Variants in SLCO5A1 observed in about 807,000 individuals in gnomAD.
The protein encoded by SLCO5A1 is solute carrier organic anion transporter family member 5A1.
In SLCO5A1, 39 loss-of-function variants were observed where a neutral mutation model predicts 65.1. That is an observed-to-expected ratio of 0.60 (90% confidence interval 0.46 to 0.78). The LOEUF is 0.78. Among genes scored for constraint, SLCO5A1 ranks in the 30% least tolerant of loss-of-function variants. SLCO5A1 has a pLI of 0.00. For missense variants in SLCO5A1, 1,029 were observed against 1,069.4 expected, an observed-to-expected ratio of 0.96 and a Z score of 0.53; for synonymous variants, 438 against 415.7, an observed-to-expected ratio of 1.05 and a Z score of -0.65.
rs190528380 is a variant in SLCO5A1, at chr8:69,753,055, C to T, written c.1258+2369G>A. ...GTGTATACATTCAATTTCCAAAAAT[C>T]ATTTTTGAATTCTCAATGGCCCTGA... On this transcript the variant is annotated intron_variant, in intron 4 of 9. Transcript: ENST00000260126. Among the ~76,000 whole-genome samples, 11 of 152,284 alleles carry T rather than the reference C, an allele frequency of 7.2e-5. No individual in the cohort carries two copies. In the East Asian group the frequency reaches 1.9e-3, roughly 27 times the overall value.
chr8:69,703,737 C>T (rs771830240), intron 6 of SLCO5A1, among the ~76,000 whole-genome samples: 8 of 152,154 alleles, frequency 5.3e-5, no homozygotes, highest in Non-Finnish European at 1.0e-4. Flanking sequence ...GATTCTACTG[C>T]GAAATTCTAA....
chr8:69,682,865 G>A lies in SLCO5A1; in HGVS notation c.1623-522C>T, dbSNP rs141008107. Among the ~76,000 whole-genome samples, 60 of 152,266 alleles carry A rather than the reference G, an allele frequency of 3.9e-4. 1 individual carries two copies. The South Asian group carries it at 7.0e-3, about 18-fold the overall frequency. ...ATTCTAGAATAAATTATCAAAGAAA[G>A]GCATTGGGGCTCTAGACAATCAAAA... is the stretch of plus-strand genomic sequence containing the variant. On this transcript the variant is annotated intron_variant, in intron 6 of 9. Coordinates refer to ENST00000260126, the MANE Select transcript of SLCO5A1 (RefSeq NM_030958.3).
intron 2 of SLCO5A1, among the ~76,000 whole-genome samples, chr8:69,804,296 TTTC>T (rs1291915573): frequency 1.3e-5 from 2 of 152,106 alleles, no homozygotes; most frequent in Non-Finnish European, 2.9e-5. Flanking sequence ...GCTTTTTGTA[TTTC>T]TTTTTTATTG....
At chr8:69,808,615 G>A (rs1394021462) in intron 2 of SLCO5A1, among the ~76,000 whole-genome samples, 1 of 152,118 alleles carries the variant, frequency 6.6e-6, no homozygotes, top group East Asian at 1.9e-4. Flanking sequence ...TGTGAATAGT[G>A]CTGCAATGAA....
At chr8:69,779,335 T>C (rs550803605) in intron 2 of SLCO5A1, among the ~76,000 whole-genome samples, 14 of 152,214 alleles carry the variant, frequency 9.2e-5, no homozygotes, top group Non-Finnish European at 2.1e-4. Context: ...CTATAAAGTT[T>C]ATAGTTTTAA....
intron 6 of SLCO5A1, among the ~76,000 whole-genome samples, chr8:69,702,431 T>A (rs746273843): frequency 2.0e-4 from 30 of 152,194 alleles, no homozygotes; most frequent in Non-Finnish European, 4.0e-4. Flanking sequence ...TGCTTTTTCA[T>A]TTTTAGAGAC....
Position 69,805,496 on chromosome 8 carries a change from A to G in SLCO5A1, c.907+26271T>C, listed in dbSNP as rs1177604593. 1.3e-5 allele frequency among the ~76,000 whole-genome samples: 2 copies of G among 152,230 alleles called. 1 individual carries two copies. Among genetic ancestry groups the G allele is most frequent in the African/African-American group, 4.8e-5 (2 of 41,460 alleles). ...CACTCAATTACATTAAATATATTAA[A>G]TATGTACACAAAGCATATTAAAGTT... On this transcript the variant is annotated intron_variant, in intron 2 of 9. Transcript: ENST00000260126.
intron 2 of SLCO5A1, among the ~76,000 whole-genome samples, chr8:69,817,516 T>G (rs1047838412): frequency 6.6e-6 from 1 of 152,254 alleles, no homozygotes; most frequent in East Asian, 1.9e-4. Flanking sequence ...TTGGGATTGT[T>G]GGATCATATG....
chr8:69,796,050 G>A (rs1025480696), intron 2 of SLCO5A1, among the ~76,000 whole-genome samples: 5 of 152,214 alleles, frequency 3.3e-5, no homozygotes, highest in African/African-American at 1.2e-4. Context: ...CACAGGGCAG[G>A]GGGGGCCCTG....
chr8:69,824,405 G>A (rs947510964), intron 2 of SLCO5A1, among the ~76,000 whole-genome samples: 1 of 152,042 alleles, frequency 6.6e-6, no homozygotes, highest in Non-Finnish European at 1.5e-5. Context: ...AGAAAAGAGA[G>A]AAGAATCAAA....
At chr8:69,710,808 G>C (rs577008262) in intron 5 of SLCO5A1, among the ~76,000 whole-genome samples, 19 of 152,206 alleles carry the variant, frequency 1.2e-4, no homozygotes, top group South Asian at 2.1e-4. Context: ...ACAGAGTGAA[G>C]ACCCATGAAA....
chr8:69,684,839 G>GC (rs1484282718), intron 6 of SLCO5A1, among the ~76,000 whole-genome samples: 4 of 152,178 alleles, frequency 2.6e-5, no homozygotes, highest in Admixed American at 1.3e-4. Flanking sequence ...GGTTTTGCCT[G>GC]CATCACTACA....
intron 2 of SLCO5A1, among the ~76,000 whole-genome samples, chr8:69,805,376 C>T (rs1819948604): frequency 6.6e-6 from 1 of 152,172 alleles, no homozygotes; most frequent in South Asian, 2.1e-4. Context: ...GCTTCGGTTC[C>T]TTTTCCCCAA....
chr8:69,679,821 CA>C (rs1443838174), intron 7 of SLCO5A1, among the ~76,000 whole-genome samples: 1 of 152,168 alleles, frequency 6.6e-6, no homozygotes, highest in Non-Finnish European at 1.5e-5. Flanking sequence ...GTCTGCTGGT[CA>C]AAATTGTTTA....
intron 4 of SLCO5A1, among the ~76,000 whole-genome samples, chr8:69,754,993 C>T (rs1372974880): frequency 6.6e-6 from 1 of 152,076 alleles, no homozygotes; most frequent in Admixed American, 6.6e-5. Flanking sequence ...CTCCATGGCA[C>T]AATGCACTTG....
intron 4 of SLCO5A1, among the ~76,000 whole-genome samples, chr8:69,749,895 G>A (rs1296021872): frequency 6.6e-6 from 1 of 152,152 alleles, no homozygotes. Flanking sequence ...GGAGAGGTCA[G>A]AGATTTTTAA....
rs1356364573 is a variant in SLCO5A1, at chr8:69,676,609, C to T, written c.2089G>A (p.Ala697Thr). The change falls in exon 9 of 10, where the codon GCA (alanine) becomes ACA (threonine). Residue 697 changes from alanine to threonine, a missense_variant and splice_region_variant. Physicochemically the swap from Ala to Thr is moderately conservative, Grantham distance 58. Coordinates refer to ENST00000260126, the MANE Select transcript of SLCO5A1 (RefSeq NM_030958.3). ...GMQFVLLRTL[A>T]YIPTPIYFGA... ...TACACTTGGAAATTCAGGGACGTAC[C>T]AAGTGTTCGCAACAAAACAAACTGC... 2 of 1,611,928 alleles carry T rather than the reference C, an allele frequency of 1.2e-6. No individual in the cohort carries two copies.
chr8:69,808,163 C>CT (rs879693167), intron 2 of SLCO5A1, among the ~76,000 whole-genome samples: 1,759 of 139,002 alleles, frequency 0.013, 36 homozygotes, highest in African/African-American at 0.041. Context: ...GTAATGAAAG[C>CT]TTTTTTTTTT....
intron 2 of SLCO5A1, among the ~76,000 whole-genome samples, chr8:69,825,717 T>G (rs1437076478): frequency 1.3e-5 from 2 of 151,956 alleles, no homozygotes; most frequent in South Asian, 4.1e-4. Context: ...AGGTAATTTA[T>G]AGATTCAATG....
Sources: gnomAD v4.1 joint callset for allele counts (sites outside exome capture counted in the v4.1 genomes callset) on GRCh38, gnomAD v4.1.1 for gene constraint, MANE v1.5 for transcripts, NCBI Gene and HGNC (gene_info 2026-07-23, HGNC 2026-07-21) for gene names.